DLGAP1: variants seen among roughly 807,000 people sequenced by gnomAD.
DLGAP1 encodes the protein DLG associated protein 1.
DLGAP1 carries 11 observed loss-of-function variants against 90.8 expected under a neutral mutation model. That is an observed-to-expected ratio of 0.12 (90% CI 0.08 to 0.20). The LOEUF is 0.20. DLGAP1 is among the 10% of genes least tolerant of loss of function. The pLI, the probability that DLGAP1 is intolerant of heterozygous loss-of-function variation, is 1.00. For synonymous variants in DLGAP1, 558 were observed against 540.7 expected (o/e 1.03, Z -0.44); for missense variants, 1,050 against 1,333.8 (o/e 0.79, Z 3.31).
At chr18:4,150,306 C>G (rs1555750010) in intron 2 of DLGAP1, among the ~76,000 whole-genome samples, 2 of 152,198 alleles carry the variant, frequency 1.3e-5, no homozygotes, top group Non-Finnish European at 2.9e-5. Flanking sequence ...TAAGACCCTT[C>G]TTTTTTTCTC....
At chr18:4,347,618 T>C (rs1169992980) in intron 1 of DLGAP1, among the ~76,000 whole-genome samples, 1 of 152,042 alleles carries the variant, frequency 6.6e-6, no homozygotes, top group Non-Finnish European at 1.5e-5. Context: ...AAATTCAACA[T>C]TCACTCATTA....
At chr18:3,614,232 T>C (rs1472702600) in intron 7 of DLGAP1, among the ~76,000 whole-genome samples, 1 of 152,214 alleles carries the variant, frequency 6.6e-6, no homozygotes, top group Non-Finnish European at 1.5e-5. Context: ...GTCACTTTTT[T>C]CTGGCTCCAG....
Position 3,711,690 on chromosome 18 carries a change from TA to T in DLGAP1, c.1591+17444del, listed in dbSNP as rs1219927855. On this transcript the variant is annotated intron_variant, in intron 7 of 12. Coordinates refer to ENST00000315677, the MANE Select transcript of DLGAP1 (RefSeq NM_004746.4). This position sits in a 1 kb window ranked among gnomAD's most constrained non-coding sequence, Gnocchi z 4.0. ...TCCATCTCTACAAAGAAAATTAAAA[TA>T]TTAGCTGGCTCAGTGGCACCACCTG... 6.6e-6 allele frequency among the ~76,000 whole-genome samples: 1 copy of T among 151,868 alleles called. No homozygotes were observed. Among genetic ancestry groups the T allele is most frequent in the Non-Finnish European group, 1.5e-5 (1 of 67,964 alleles).
chr18:3,659,352 A>G (rs866917313), intron 7 of DLGAP1, among the ~76,000 whole-genome samples: 1 of 150,818 alleles, frequency 6.6e-6, no homozygotes, highest in African/African-American at 2.5e-5. Context: ...GCTGACATTG[A>G]CATTGCCTGG....
At chr18:4,409,425 G>A (rs1364707752) in intron 1 of DLGAP1, among the ~76,000 whole-genome samples, 1 of 152,112 alleles carries the variant, frequency 6.6e-6, no homozygotes, top group African/African-American at 2.4e-5. Flanking sequence ...TTGAGAAATA[G>A]CAACCTTTTG....
chr18:4,109,682 T>A (rs1568401980), intron 2 of DLGAP1, among the ~76,000 whole-genome samples: 1 of 152,140 alleles, frequency 6.6e-6, no homozygotes, highest in Non-Finnish European at 1.5e-5. Flanking sequence ...ACTCCTAGAA[T>A]CTCTAGGACT....
intron 4 of DLGAP1, among the ~76,000 whole-genome samples, chr18:3,835,858 T>C (rs966661456): frequency 3.3e-5 from 5 of 152,162 alleles, no homozygotes; most frequent in African/African-American, 9.7e-5. Context: ...CTTCCAATTA[T>C]GTAGTGCCTC....
intron 7 of DLGAP1, among the ~76,000 whole-genome samples, chr18:3,699,541 A>G (rs925842873): frequency 2.6e-5 from 4 of 152,194 alleles, no homozygotes; most frequent in African/African-American, 9.6e-5. Context: ...GCCAGATGAC[A>G]GCCAGAGCTC....
At chr18:4,196,807 T>G (rs1414561732) in intron 1 of DLGAP1, among the ~76,000 whole-genome samples, 2 of 152,242 alleles carry the variant, frequency 1.3e-5, no homozygotes, top group Non-Finnish European at 2.9e-5. Flanking sequence ...GTACACATTT[T>G]TGTGACACAT....
intron 5 of DLGAP1, among the ~76,000 whole-genome samples, chr18:3,784,301 C>T (rs949546855): frequency 1.3e-5 from 2 of 152,042 alleles, no homozygotes; most frequent in Non-Finnish European, 2.9e-5. Context: ...CTTTCTTGGA[C>T]CCCCCCTAGT....
At chr18:3,822,626 G>A (rs2067483502) in intron 4 of DLGAP1, among the ~76,000 whole-genome samples, 1 of 152,152 alleles carries the variant, frequency 6.6e-6, no homozygotes, top group African/African-American at 2.4e-5. Context: ...CCCCTTTCCT[G>A]GTGATGAAAC....
At chr18:3,876,663 T>C (rs916456365) in intron 4 of DLGAP1, among the ~76,000 whole-genome samples, 3 of 152,226 alleles carry the variant, frequency 2.0e-5, no homozygotes, top group Admixed American at 6.5e-5. Context: ...CTGTGATCCA[T>C]TGTAATGAAT....
intron 1 of DLGAP1, among the ~76,000 whole-genome samples, chr18:4,375,209 C>G (rs770568038): frequency 5.5e-4 from 83 of 152,176 alleles, no homozygotes; most frequent in South Asian, 1.7e-3. Flanking sequence ...CTAAGAGTTC[C>G]AAATGTGTTT....
chr18:4,318,687 T>G (rs568344848), intron 1 of DLGAP1, among the ~76,000 whole-genome samples: 9 of 152,290 alleles, frequency 5.9e-5, no homozygotes, highest in Middle Eastern at 6.8e-3. Flanking sequence ...GCAACTTCAT[T>G]AAGAATGTGC....
At chr18:4,340,902 T>TATTACTAAATAACAG (rs370283734) in intron 1 of DLGAP1, among the ~76,000 whole-genome samples, 1 of 152,124 alleles carries the variant, frequency 6.6e-6, no homozygotes, top group African/African-American at 2.4e-5. Flanking sequence ...ACACTAAAAA[T>TATTACTAAATAACAG]ACTTCTATTA....
intron 1 of DLGAP1, among the ~76,000 whole-genome samples, chr18:4,331,558 C>T (rs1268868132): frequency 1.3e-5 from 2 of 151,758 alleles, no homozygotes; most frequent in African/African-American, 4.9e-5. Flanking sequence ...ATCTTAAATA[C>T]ATGGCATTAT....
intron 7 of DLGAP1, among the ~76,000 whole-genome samples, chr18:3,588,497 T>A (rs146772988): frequency 6.6e-6 from 1 of 151,282 alleles, no homozygotes; most frequent in Non-Finnish European, 1.5e-5. Context: ...AAAGACATTA[T>A]ACGGCAGAGT....
chr18:3,783,079 T>C (rs1300321557), intron 5 of DLGAP1, among the ~76,000 whole-genome samples: 3 of 152,156 alleles, frequency 2.0e-5, no homozygotes, highest in Admixed American at 6.5e-5. Flanking sequence ...ATTTGAGCAA[T>C]GCAAATCAAA....
chr18:3,945,571 G>A (rs901211109), intron 3 of DLGAP1, among the ~76,000 whole-genome samples: 59 of 152,066 alleles, frequency 3.9e-4, no homozygotes, highest in African/African-American at 1.4e-3. Context: ...GAAAGGCCAA[G>A]AATTCTTTAA....
Sources: gnomAD v4.1 joint callset for allele counts (sites outside exome capture counted in the v4.1 genomes callset) on GRCh38, gnomAD v4.1.1 for gene constraint, Gnocchi (gnomAD v3.1) non-coding constraint, MANE v1.5 for transcripts, NCBI Gene and HGNC (gene_info 2026-07-23, HGNC 2026-07-21) for gene names.